Variants in IRAG1 observed in about 807,000 individuals in gnomAD.
IRAG1 encodes the protein inositol 1,4,5-triphosphate receptor associated 1.
Under a neutral mutation model 106.2 loss-of-function variants are expected in IRAG1, and 62 were observed. The ratio of observed to expected loss-of-function variants is 0.58; its 90% confidence interval spans 0.48 to 0.72. The LOEUF is 0.72. Ranked by LOEUF, IRAG1 falls within the 30% of genes least tolerant of loss-of-function variation. The probability of loss-of-function intolerance (pLI) is 0.00; values close to 1 mark genes in which losing one functional copy is unlikely to be tolerated. For missense variants in IRAG1, 1,064 were observed against 1,140.7 expected, an observed-to-expected ratio of 0.93 and a Z score of 0.97; for synonymous variants, 462 against 443.9, an observed-to-expected ratio of 1.04 and a Z score of -0.51.
chr11:10,587,711 C>A (rs903869298), intron 18 of IRAG1, among the ~76,000 whole-genome samples: 1 of 152,200 alleles, frequency 6.6e-6, no homozygotes, highest in Middle Eastern at 3.2e-3. Context: ...GCTCTGTGAA[C>A]GGTTCCACAC....
rs1444391100 is a variant in IRAG1, at chr11:10,575,698, T to A, written c.*634A>T. 1 of 159,202 alleles carries A rather than the reference T, an allele frequency of 6.3e-6. No individual in the cohort carries two copies. Among genetic ancestry groups the A allele is most frequent in the Non-Finnish European group, 1.4e-5 (1 of 71,576 alleles). The allele number at this position is 159,202 out of a possible 1,614,324, so 9.9% of individuals were successfully genotyped here. ...TATGTGTGGACAGATGCGTATATAA[T>A]AATTCATATCTTCCCATTTCAAGCA... On this transcript the variant is annotated 3_prime_UTR_variant, in exon 21 of 21. Transcript: ENST00000423302.
chr11:10,585,899 C>T (rs1283361394), intron 18 of IRAG1: 1 of 151,720 alleles, frequency 6.6e-6, no homozygotes, highest in Non-Finnish European at 1.5e-5. Flanking sequence ...CCTCCATGAA[C>T]CCCCGCTTTT....
rs530799705 is a variant in IRAG1, at chr11:10,633,311, A to G, written c.329+657T>C. On this transcript the variant is annotated intron_variant, in intron 3 of 20. Coordinates refer to ENST00000423302, the MANE Select transcript of IRAG1 (RefSeq NM_130385.4). ...AGGATGGTCTCGATCTCCTGACCTC[A>G]TGATTCACCCGCCTTGGCCTCCCAA... is the stretch of plus-strand genomic sequence containing the variant. 9.0e-3 allele frequency among the ~76,000 whole-genome samples: 1,367 copies of G among 152,122 alleles called. 17 individuals are homozygous for G. The highest frequency in any genetic ancestry group is 0.025 in the African/African-American group (1,032 of 41,502).
chr11:10,585,602 T>C (rs1354142586), intron 18 of IRAG1, among the ~76,000 whole-genome samples: 1 of 152,104 alleles, frequency 6.6e-6, no homozygotes, highest in East Asian at 2.0e-4. Context: ...AGTTAACTTT[T>C]AGCTCTTCTT....
intron 2 of IRAG1, among the ~76,000 whole-genome samples, chr11:10,644,965 A>C (rs1857826171): frequency 1.3e-5 from 2 of 152,186 alleles, no homozygotes; most frequent in African/African-American, 4.8e-5. Flanking sequence ...AACTCGAGAT[A>C]TTCCCATAGA....
chr11:10,593,437 G>A (rs1268592357), intron 17 of IRAG1, 55 bp downstream of exon 17: 58 of 1,504,250 alleles, frequency 3.9e-5, no homozygotes, highest in East Asian at 1.1e-4. Flanking sequence ...GACTGAGTAC[G>A]AAGGAAAGGT....
chr11:10,683,550 C>T, intron 1 of IRAG1, among the ~76,000 whole-genome samples: 1 of 152,184 alleles, frequency 6.6e-6, no homozygotes, highest in East Asian at 1.9e-4. Context: ...TTTCTCCCTG[C>T]CCTGCCCCCT....
intron 2 of IRAG1, among the ~76,000 whole-genome samples, chr11:10,636,170 T>G (rs1857131930): frequency 6.6e-6 from 1 of 152,220 alleles, no homozygotes; most frequent in African/African-American, 2.4e-5. Context: ...ATAACATTGA[T>G]AAGGTACCTA....
At chr11:10,660,775 G>A (rs1859332448) in intron 1 of IRAG1, among the ~76,000 whole-genome samples, 2 of 152,076 alleles carry the variant, frequency 1.3e-5, no homozygotes, top group African/African-American at 2.4e-5. Flanking sequence ...CTCCTCCTGT[G>A]CCCCAGAGAA....
intron 1 of IRAG1, among the ~76,000 whole-genome samples, chr11:10,682,332 C>A (rs1393483820): frequency 6.6e-6 from 1 of 152,228 alleles, no homozygotes; most frequent in Non-Finnish European, 1.5e-5. Context: ...AAAAGTCAGG[C>A]TCTCTTTGTT....
chr11:10,575,969 G>GC lies in IRAG1; in HGVS notation c.*362dup. The GC allele has an allele frequency of 4.3e-6, 1 of 234,096 alleles. No individual in the cohort carries two copies. The highest frequency in any genetic ancestry group is 8.6e-6 in the Non-Finnish European group (1 of 116,532). 14.5% of individuals were successfully genotyped at this position (234,096 alleles called of 1,614,324 possible). ...GAAAAAAGAGAGTAAGTTTTTTACT[G>GC]CCCCCTACCTCCTCCTCCCCCGTGC... On this transcript the variant is annotated 3_prime_UTR_variant, in exon 21 of 21. Coordinates refer to ENST00000423302, the MANE Select transcript of IRAG1 (RefSeq NM_130385.4).
At chr11:10,589,097 C>T (rs1324160654) in intron 18 of IRAG1, 2 of 152,182 alleles carry the variant, frequency 1.3e-5, no homozygotes, top group African/African-American at 2.4e-5. Flanking sequence ...TCTCTGAAAT[C>T]TCATGAAGCA....
At chr11:10,586,465 T>G (rs1391999512) in intron 18 of IRAG1, among the ~76,000 whole-genome samples, 1 of 151,106 alleles carries the variant, frequency 6.6e-6, no homozygotes, top group Non-Finnish European at 1.5e-5. Context: ...TCACTCAGGC[T>G]GGAGTGCAGT....
intron 18 of IRAG1, among the ~76,000 whole-genome samples, chr11:10,587,409 C>T (rs139764784): frequency 4.6e-5 from 7 of 152,230 alleles, no homozygotes; most frequent in African/African-American, 1.7e-4. Context: ...ACCCAAGCTT[C>T]CTTACTCCGT....
intron 2 of IRAG1, among the ~76,000 whole-genome samples, chr11:10,644,819 C>T (rs535518143): frequency 1.2e-4 from 19 of 152,308 alleles, no homozygotes; most frequent in African/African-American, 3.8e-4. Flanking sequence ...GGGCAGCACA[C>T]GGTTCCCAAG....
chr11:10,669,084 C>T (rs1275711388), intron 1 of IRAG1, among the ~76,000 whole-genome samples: 1 of 152,114 alleles, frequency 6.6e-6, no homozygotes, highest in African/African-American at 2.4e-5. Context: ...TCTAATGGTC[C>T]CCATGGTCCT....
chr11:10,604,642 C>A, intron 12 of IRAG1, 97 bp from the exon 13 acceptor site: 1 of 1,419,304 alleles, frequency 7.0e-7, no homozygotes, highest in Non-Finnish European at 9.8e-7. Context: ...TGCAACGGCC[C>A]CTGGAACAGC....
chr11:10,626,454 C>G lies in IRAG1; in HGVS notation c.880G>C (p.Asp294His). ...EIAIEQKENF[D>H]PLQYPETTPK... ...GTGGTCTCGGGGTACTGGAGGGGATCGAAGTTTTCCTTTTGTTCTATTGCA... is the reference window on the plus strand; with the variant it reads ...GTGGTCTCGGGGTACTGGAGGGGATGGAAGTTTTCCTTTTGTTCTATTGCA... Residue 294 changes from aspartate to histidine, a missense_variant, in exon 9 of 21, where the codon GAT becomes CAT. By Grantham distance (81) the Asp-to-His change is moderately conservative. Coordinates refer to ENST00000423302, the MANE Select transcript of IRAG1 (RefSeq NM_130385.4). The G allele has an allele frequency of 6.2e-7, 1 of 1,613,658 alleles. No homozygotes were observed. The highest frequency in any genetic ancestry group is 1.1e-5 in the South Asian group (1 of 91,026).
Position 10,606,790 on chromosome 11 carries a change from C to A in IRAG1, c.1572-18G>T. On this transcript the variant is annotated intron_variant, in intron 11 of 20. Transcript: ENST00000423302. ...GAGGGGCACTGTGAAAAAGAAAACA[C>A]ACAATTGAACTGTGTGCAACCTAGT... The A allele has an allele frequency of 6.4e-7, 1 of 1,574,398 alleles. No individual in the cohort carries two copies. The highest frequency in any genetic ancestry group is 8.6e-7 in the Non-Finnish European group (1 of 1,158,700).
Sources: allele counts gnomAD v4.1 joint callset (sites outside exome capture counted in the v4.1 genomes callset), GRCh38; gene constraint gnomAD v4.1.1; transcripts MANE v1.5; gene names NCBI Gene and HGNC (gene_info 2026-07-23, HGNC 2026-07-21).